Variants in PDE4D observed in about 807,000 individuals in gnomAD.
The protein encoded by PDE4D is 3',5'-cyclic-AMP phosphodiesterase 4D.
In PDE4D, 24 loss-of-function variants were observed where a neutral mutation model predicts 87.4. The observed-to-expected ratio is 0.27, with a 90% CI of 0.20 to 0.39. The LOEUF is 0.39. PDE4D is among the 10% of genes least tolerant of loss of function. The pLI is 1.00. For missense variants in PDE4D, 714 were observed against 1,041.0 expected (o/e 0.69, Z 4.32); for synonymous variants, 384 against 383.2 (o/e 1.00, Z -0.02).
At chr5:59,999,663 C>T (rs1336061614) in intron 2 of PDE4D, among the ~76,000 whole-genome samples, 1 of 150,772 alleles carries the variant, frequency 6.6e-6, no homozygotes, top group Non-Finnish European at 1.5e-5. Flanking sequence ...GCACAAATCA[C>T]AGAAAAAAAT....
intron 1 of PDE4D, among the ~76,000 whole-genome samples, chr5:59,231,945 CTGTCT>C (rs1755298511): frequency 6.6e-6 from 1 of 152,214 alleles, no homozygotes; most frequent in Non-Finnish European, 1.5e-5. Context: ...TGGTTCTGTT[CTGTCT>C]TAACAACAAT....
At chr5:59,156,309 G>GAAA (rs138297866) in intron 5 of PDE4D, among the ~76,000 whole-genome samples, 940 of 52,770 alleles carry the variant, frequency 0.018, 20 homozygotes, top group Middle Eastern at 0.075. Flanking sequence ...AGACTTGCCA[G>GAAA]AAAAAAAAAA....
intron 2 of PDE4D, among the ~76,000 whole-genome samples, chr5:60,104,924 G>A (rs1194911411): frequency 6.6e-6 from 1 of 152,174 alleles, no homozygotes; most frequent in Non-Finnish European, 1.5e-5. Flanking sequence ...AATCAGAGCA[G>A]AAAAACTGGA....
chr5:59,264,314 G>T (rs911936090), intron 1 of PDE4D, among the ~76,000 whole-genome samples: 2 of 151,906 alleles, frequency 1.3e-5, no homozygotes, highest in Admixed American at 6.6e-5. Context: ...TAGCTATCTT[G>T]GTTTTAAACA....
intron 1 of PDE4D, among the ~76,000 whole-genome samples, chr5:59,529,487 T>C (rs1250571200): frequency 6.6e-6 from 1 of 152,084 alleles, no homozygotes; most frequent in Non-Finnish European, 1.5e-5. Context: ...GAGAAGGATG[T>C]GCAGCAATAG....
chr5:60,067,927 T>C (rs1772284378), intron 2 of PDE4D, among the ~76,000 whole-genome samples: 1 of 152,190 alleles, frequency 6.6e-6, no homozygotes, highest in East Asian at 1.9e-4. Flanking sequence ...GGCTGAATAA[T>C]AGTCCACTAT....
chr5:60,333,258 C>A (rs1017961928), intron 1 of PDE4D, among the ~76,000 whole-genome samples: 8 of 152,172 alleles, frequency 5.3e-5, no homozygotes, highest in African/African-American at 1.9e-4. Context: ...CCAAGGCTAA[C>A]AGCTTAAAAT....
At chr5:60,404,657 G>A (rs1477356047) in intron 1 of PDE4D, among the ~76,000 whole-genome samples, 1 of 152,172 alleles carries the variant, frequency 6.6e-6, no homozygotes, top group Non-Finnish European at 1.5e-5. Flanking sequence ...CATGTACCCT[G>A]TGGTCAGCAT....
chr5:59,988,363 T>G, intron 3 of PDE4D: 4 of 530,570 alleles, frequency 7.5e-6, no homozygotes, highest in Middle Eastern at 2.8e-4. Flanking sequence ...CTTTTTTTTT[T>G]GACTCTAGAA....
At chr5:60,371,161 T>G (rs1391882959) in intron 1 of PDE4D, among the ~76,000 whole-genome samples, 1 of 152,242 alleles carries the variant, frequency 6.6e-6, no homozygotes, top group Non-Finnish European at 1.5e-5. Context: ...GGATCTACTC[T>G]GTATCCACCT....
chr5:59,189,347 T>C (rs1743788728), intron 3 of PDE4D, among the ~76,000 whole-genome samples: 1 of 148,514 alleles, frequency 6.7e-6, no homozygotes, highest in Admixed American at 6.9e-5. Flanking sequence ...CCTCCTGGGT[T>C]CAAGTTATTC....
chr5:59,100,156 C>T (rs992426100), intron 5 of PDE4D, among the ~76,000 whole-genome samples: 2 of 152,202 alleles, frequency 1.3e-5, no homozygotes, highest in African/African-American at 2.4e-5. Context: ...ACAGGGTACC[C>T]GAGTGATTGC....
intron 1 of PDE4D, among the ~76,000 whole-genome samples, chr5:60,198,663 A>G (rs1741565897): frequency 1.3e-5 from 2 of 151,628 alleles, no homozygotes; most frequent in South Asian, 4.2e-4. Flanking sequence ...TTGTCCCCTG[A>G]TATGTCTTTA....
chr5:60,098,821 GA>G (rs995658941), intron 2 of PDE4D, among the ~76,000 whole-genome samples: 1 of 152,142 alleles, frequency 6.6e-6, no homozygotes, highest in Non-Finnish European at 1.5e-5. Flanking sequence ...TAGAAGTGGT[GA>G]GAGTGAACTC....
intron 2 of PDE4D, among the ~76,000 whole-genome samples, chr5:59,209,749 C>T (rs150970455): frequency 6.6e-6 from 1 of 152,216 alleles, no homozygotes; most frequent in Admixed American, 6.5e-5. Context: ...TTTTGTTGCA[C>T]ATTGATTTCT....
intron 1 of PDE4D, among the ~76,000 whole-genome samples, chr5:59,277,836 TG>T (rs1765112094): frequency 6.6e-6 from 1 of 152,200 alleles, no homozygotes; most frequent in East Asian, 1.9e-4. Flanking sequence ...CTTGCTTACT[TG>T]CCCAACATTC....
intron 3 of PDE4D, among the ~76,000 whole-genome samples, chr5:59,917,585 G>A (rs937366928): frequency 3.3e-5 from 5 of 152,118 alleles, no homozygotes; most frequent in Admixed American, 1.3e-4. Context: ...GACTTTTAAT[G>A]TCCTTATTCA....
intron 1 of PDE4D, among the ~76,000 whole-genome samples, chr5:60,300,393 C>T (rs1450505282): frequency 6.6e-6 from 1 of 152,062 alleles, no homozygotes; most frequent in African/African-American, 2.4e-5. Context: ...TGCAGGGGCT[C>T]TTTAGTTTAA....
At chr5:60,094,031 T>C (rs543607591) in intron 2 of PDE4D, among the ~76,000 whole-genome samples, 1 of 152,316 alleles carries the variant, frequency 6.6e-6, no homozygotes, top group South Asian at 2.1e-4. Flanking sequence ...CAGCATTTTA[T>C]TAAAAAGGCA....
Sources: gnomAD v4.1 joint callset for allele counts (sites outside exome capture counted in the v4.1 genomes callset) on GRCh38, gnomAD v4.1.1 for gene constraint, MANE v1.5 for transcripts, NCBI Gene and HGNC (gene_info 2026-07-23, HGNC 2026-07-21) for gene names.